ESRRG: variants seen among roughly 807,000 people sequenced by gnomAD.
ESRRG encodes estrogen related receptor gamma.
A neutral mutation model predicts 44.0 loss-of-function variants in ESRRG; 13 were observed. The ratio of observed to expected loss-of-function variants is 0.30; its 90% CI spans 0.19 to 0.47. The LOEUF (loss-of-function observed/expected upper bound fraction) is 0.47. ESRRG is among the 20% of genes least tolerant of loss of function. The pLI is 1.00. For missense variants in ESRRG, 395 were observed against 580.6 expected (o/e 0.68, Z 3.29); for synonymous variants, 215 against 214.6 (o/e 1.00, Z -0.02).
At chr1:216,638,342 A>T (rs1004218536) in intron 3 of ESRRG, among the ~76,000 whole-genome samples, 3 of 152,038 alleles carry the variant, frequency 2.0e-5, no homozygotes, top group Non-Finnish European at 2.9e-5. Flanking sequence ...CACAGCTAGT[A>T]AGTAGTAAAC....
chr1:216,762,513 C>T (rs559345918), intron 2 of ESRRG, among the ~76,000 whole-genome samples: 25 of 143,948 alleles, frequency 1.7e-4, no homozygotes, highest in African/African-American at 5.5e-4. Context: ...AATGAGAACA[C>T]ATGGACACAG....
At chr1:216,908,182 A>G (rs187305236) in intron 2 of ESRRG, among the ~76,000 whole-genome samples, 35 of 152,308 alleles carry the variant, frequency 2.3e-4, no homozygotes, top group Admixed American at 7.2e-4. Context: ...CGGAAGTCAC[A>G]GTGGACTTGC....
At chr1:216,763,690 A>T (rs2092922374) in intron 2 of ESRRG, among the ~76,000 whole-genome samples, 1 of 152,146 alleles carries the variant, frequency 6.6e-6, no homozygotes, top group Non-Finnish European at 1.5e-5. Context: ...TTAAGTTGTT[A>T]AAGTTTTCAC....
At chr1:216,616,381 C>T (rs752628732) in intron 3 of ESRRG, among the ~76,000 whole-genome samples, 3 of 152,234 alleles carry the variant, frequency 2.0e-5, no homozygotes, top group Non-Finnish European at 1.5e-5. Context: ...GTCCTCTTCA[C>T]AATTATCTTT....
In ESRRG at chr1:216,610,218, T is replaced by A. The variant is rs564500569; in HGVS notation, c.589+40755A>T. Among the ~76,000 whole-genome samples, 478 of 152,116 alleles carry A rather than the reference T, an allele frequency of 3.1e-3. 3 individuals carry two copies. The highest frequency in any genetic ancestry group is 0.011 in the African/African-American group (445 of 41,500). On this transcript the variant is annotated intron_variant, in intron 3 of 6. Transcript: ENST00000408911. ...TGTACAAAATTCAGTGCTTTTTTTT[T>A]TTTTTTGCTCCAGTTCCAAAATGTT...
chr1:216,594,810 C>G (rs186915920), intron 3 of ESRRG, among the ~76,000 whole-genome samples: 1 of 152,140 alleles, frequency 6.6e-6, no homozygotes, highest in African/African-American at 2.4e-5. Flanking sequence ...TTATCTATGG[C>G]CTTCATTTCA....
At chr1:216,626,975 A>G (rs1181589364) in intron 3 of ESRRG, among the ~76,000 whole-genome samples, 1 of 152,240 alleles carries the variant, frequency 6.6e-6, no homozygotes, top group Non-Finnish European at 1.5e-5. Flanking sequence ...TAAAAGACCT[A>G]AAGTATAAGA....
intron 1 of ESRRG, among the ~76,000 whole-genome samples, chr1:216,952,905 C>G (rs1296356233): frequency 6.6e-6 from 1 of 151,750 alleles, no homozygotes; most frequent in South Asian, 2.1e-4. Flanking sequence ...ATTTTTGTAC[C>G]CCTCACTTCC....
At chr1:216,638,558 T>C (rs775622767) in intron 3 of ESRRG, among the ~76,000 whole-genome samples, 1 of 152,192 alleles carries the variant, frequency 6.6e-6, no homozygotes, top group Non-Finnish European at 1.5e-5. Flanking sequence ...ATGCTCTATT[T>C]CCCTCTGTGG....
At chr1:217,003,924 C>T (rs11802986) in intron 1 of ESRRG, among the ~76,000 whole-genome samples, 2,425 of 151,640 alleles carry the variant, frequency 0.016, 54 homozygotes, top group African/African-American at 0.055. Context: ...GCACAATTAA[C>T]TGAGTTTGTG....
chr1:216,697,697 C>G (rs1045692922), intron 1 of ESRRG, among the ~76,000 whole-genome samples: 2 of 152,158 alleles, frequency 1.3e-5, no homozygotes, highest in South Asian at 4.1e-4. Flanking sequence ...AAGAAACTAA[C>G]GAGGTTAGAG....
chr1:216,816,394 C>G (rs1385565380), intron 2 of ESRRG, among the ~76,000 whole-genome samples: 1 of 152,022 alleles, frequency 6.6e-6, no homozygotes, highest in Non-Finnish European at 1.5e-5. Flanking sequence ...ACATGTTGTG[C>G]CCAATAAATA....
At chr1:217,051,204 C>CGGGGGGGGGGGG (rs1164233806) in intron 1 of ESRRG, among the ~76,000 whole-genome samples, 1 of 33,590 alleles carries the variant, frequency 3.0e-5, no homozygotes, top group Non-Finnish European at 5.7e-5. Flanking sequence ...ATAATGGGGG[C>CGGGGGGGGGGGG]GGGGGGGGGG....
chr1:217,049,360 C>T (rs1173463574), intron 1 of ESRRG, among the ~76,000 whole-genome samples: 2 of 152,158 alleles, frequency 1.3e-5, no homozygotes, highest in Admixed American at 1.3e-4. Context: ...ACAATTTTCT[C>T]CATCTCACTG....
chr1:216,515,465 G>A (rs1368594760), intron 6 of ESRRG, among the ~76,000 whole-genome samples: 1 of 152,026 alleles, frequency 6.6e-6, no homozygotes, highest in African/African-American at 2.4e-5. Context: ...GTATCCTACA[G>A]CAATCATAAA....
At chr1:216,679,803 T>C (rs2076741644) in intron 1 of ESRRG, among the ~76,000 whole-genome samples, 1 of 152,062 alleles carries the variant, frequency 6.6e-6, no homozygotes, top group Non-Finnish European at 1.5e-5. Context: ...TTTGCAGAAC[T>C]CTTGATTTAA....
rs531493657 is a variant in ESRRG, at chr1:217,013,135, G to T, written c.-105-73462C>A. On this transcript the variant is annotated intron_variant, in intron 1 of 7. Transcript: ENST00000359162. ...TTTGAACTTGATTACCTCTGGAAAGGCTCTATCCCCAAACGGGATCACATT... is the reference window on the plus strand; with the variant it reads ...TTTGAACTTGATTACCTCTGGAAAGTCTCTATCCCCAAACGGGATCACATT... Among the ~76,000 whole-genome samples, 12 of 152,284 alleles carry T rather than the reference G, an allele frequency of 7.9e-5. 1 individual carries two copies. The South Asian group carries it at 2.3e-3, about 29-fold the overall frequency.
intron 2 of ESRRG, among the ~76,000 whole-genome samples, chr1:216,795,258 T>G (rs1481349766): frequency 6.6e-6 from 1 of 152,056 alleles, no homozygotes; most frequent in African/African-American, 2.4e-5. Context: ...AATGTATATC[T>G]ATTTTTTCAT....
chr1:216,659,426 A>G (rs886084009), intron 2 of ESRRG, among the ~76,000 whole-genome samples: 5 of 152,230 alleles, frequency 3.3e-5, no homozygotes, highest in African/African-American at 1.2e-4. Flanking sequence ...GGCATCAACC[A>G]CATCTCATGA....
Sources: gnomAD v4.1 joint callset for allele counts (sites outside exome capture counted in the v4.1 genomes callset) on GRCh38, gnomAD v4.1.1 for gene constraint, MANE v1.5 for transcripts, NCBI Gene and HGNC (gene_info 2026-07-23, HGNC 2026-07-21) for gene names.